GLS: variants seen among roughly 807,000 people sequenced by gnomAD.
GLS encodes glutaminase kidney isoform, mitochondrial.
GLS carries 36 observed loss-of-function variants against 86.7 expected under a neutral mutation model. The observed-to-expected ratio is 0.42, with a 90% CI of 0.32 to 0.55. The LOEUF (loss-of-function observed/expected upper bound fraction) is 0.55. Ranked by LOEUF, GLS falls within the 20% of genes least tolerant of loss-of-function variation. The pLI, the probability that GLS is intolerant of heterozygous loss-of-function variation, is 0.17. For missense variants in GLS, 528 were observed against 833.4 expected, an observed-to-expected ratio of 0.63 and a Z score of 4.51; for synonymous variants, 317 against 305.9, an observed-to-expected ratio of 1.04 and a Z score of -0.38.
chr2:190,909,216 T>C (rs939424344), intron 6 of GLS, among the ~76,000 whole-genome samples: 1 of 51,716 alleles, frequency 1.9e-5, no homozygotes, highest in African/African-American at 3.5e-5. Context: ...AATTGACAGA[T>C]AAAAATTGTG....
chr2:190,899,728 G>A lies in GLS; in HGVS notation c.606-836G>A, dbSNP rs115612618. Among the ~76,000 whole-genome samples, 868 of 152,110 alleles carry A rather than the reference G, an allele frequency of 5.7e-3. 9 individuals are homozygous for A. Among genetic ancestry groups the A allele is most frequent in the African/African-American group, 0.02 (821 of 41,514 alleles). ...ATTGGCTGTAATCCATTTGCAAAAC[G>A]TTTTAAAGGCTACGTTAATATACTG... On this transcript the variant is annotated intron_variant, in intron 3 of 17. Transcript: ENST00000320717.
chr2:190,881,814 G>A, intron 1 of GLS: 1 of 216,758 alleles, frequency 4.6e-6, no homozygotes. Context: ...GCTTGCGGCT[G>A]CAGCGCCTGG....
At chr2:190,894,841 A>G (rs1199584896) in intron 1 of GLS, among the ~76,000 whole-genome samples, 1 of 152,200 alleles carries the variant, frequency 6.6e-6, no homozygotes, top group Admixed American at 6.5e-5. Context: ...GTATTGGGTG[A>G]TTGTACTGGG....
intron 7 of GLS, among the ~76,000 whole-genome samples, chr2:190,910,775 A>G (rs1028538184): frequency 6.6e-6 from 1 of 151,860 alleles, no homozygotes; most frequent in Admixed American, 6.6e-5. Flanking sequence ...ACCCTCAAAT[A>G]TTCTCAAGTC....
chr2:190,934,069 C>T, intron 14 of GLS: 2 of 974,678 alleles, frequency 2.1e-6, no homozygotes, highest in Non-Finnish European at 2.4e-6. Flanking sequence ...CACACTTCTT[C>T]CTTCTTCCAT....
rs140849319 is a variant in GLS at position 190,887,457 on chromosome 2, A to G, written c.386+5987A>G. ...AGTAAAAGCATTACTTTCGAAACATAGAACTGTAGATGTTGCATAATGAAT... is the reference window on the plus strand; with the variant it reads ...AGTAAAAGCATTACTTTCGAAACATGGAACTGTAGATGTTGCATAATGAAT... On this transcript the variant is annotated intron_variant, in intron 1 of 17. Coordinates refer to ENST00000320717, the MANE Select transcript of GLS (RefSeq NM_014905.5). Among the ~76,000 whole-genome samples, 376 of 152,292 alleles carry G rather than the reference A, an allele frequency of 2.5e-3. 1 individual carries two copies. The highest frequency in any genetic ancestry group is 7.4e-3 in the African/African-American group (308 of 41,572).
chr2:190,887,541 G>C (rs1413280325), intron 1 of GLS, among the ~76,000 whole-genome samples: 2 of 152,014 alleles, frequency 1.3e-5, no homozygotes, highest in African/African-American at 2.4e-5. Context: ...TCTGGTACAG[G>C]CTTCTAAAAA....
At position 190,935,276 on chromosome 2, in the gene GLS, T is replaced by A; in HGVS notation, c.1650+3639T>A. On this transcript the variant is annotated intron_variant, in intron 14 of 17. Coordinates refer to ENST00000320717, the MANE Select transcript of GLS (RefSeq NM_014905.5). This position sits in a 1 kb window ranked among gnomAD's most constrained non-coding sequence, Gnocchi z 4.2. ...CTACATTTTGTATTGCACAATAAATTTATTTTAAGCTGATTTTATTGTTTT... is the reference window on the plus strand; with the variant it reads ...CTACATTTTGTATTGCACAATAAATATATTTTAAGCTGATTTTATTGTTTT... 1.7e-6 allele frequency: 1 copy of A among 582,122 alleles called. No individual in the cohort carries two copies. Among genetic ancestry groups the A allele is most frequent in the Non-Finnish European group, 2.2e-6 (1 of 461,778 alleles). The allele number at this position is 582,122 out of a possible 1,614,324, so 36.1% of individuals were successfully genotyped here. A position where few individuals can be genotyped will look rare whatever the true frequency, so the allele number is the denominator to read the frequency against.
rs1211356411 is a variant in GLS, at chr2:190,943,609, A to G, written c.1651-9956A>G. Among the ~76,000 whole-genome samples, 1 of 152,160 alleles carries G rather than the reference A, an allele frequency of 6.6e-6. No homozygotes were observed. The highest frequency in any genetic ancestry group is 2.4e-5 in the African/African-American group (1 of 41,448). On this transcript the variant is annotated intron_variant, in intron 14 of 17. Transcript: ENST00000320717. This position sits in a 1 kb window ranked among gnomAD's most constrained non-coding sequence, Gnocchi z 4.5. ...GATGTCCTTTCTAAATTTTTTTTAG[A>G]TAGAACAATTGCTTTATTTTTTAGT...
intron 5 of GLS, 52 bp downstream of exon 5, chr2:190,902,078 T>G: frequency 1.0e-6 from 1 of 1,001,818 alleles, no homozygotes. Flanking sequence ...AACTTTTGTA[T>G]AATGGTGAGA....
chr2:190,905,342 A>G lies in GLS; in HGVS notation c.979+175A>G, dbSNP rs1689095722. On this transcript the variant is annotated intron_variant, in intron 6 of 17. Transcript: ENST00000320717. The surrounding 1 kb of genome is among the most constrained non-coding windows in gnomAD (Gnocchi z 4.6). ...TAAAAATGATTATTTTAGGCATCTC[A>G]TACCACTGGGAAGTGGGCTAGGGAG... 3.7e-6 allele frequency: 2 copies of G among 538,840 alleles called. No homozygotes were observed. Among genetic ancestry groups the G allele is most frequent in the South Asian group, 2.3e-5 (1 of 42,992 alleles). 33.4% of individuals were successfully genotyped at this position (538,840 alleles called of 1,614,324 possible).
At chr2:190,889,649 A>T (rs1207588918) in intron 1 of GLS, among the ~76,000 whole-genome samples, 1 of 152,152 alleles carries the variant, frequency 6.6e-6, no homozygotes, top group African/African-American at 2.4e-5. Context: ...ACAGAGTTGG[A>T]TGTTATAGAC....
Position 190,921,147 on chromosome 2 carries a change from C to A in GLS, c.1074C>A (p.Val358=). Residue 358 remains valine, a splice_region_variant and synonymous_variant, in exon 9 of 18, where the codon GTC becomes GTA. Coordinates refer to ENST00000320717, the MANE Select transcript of GLS (RefSeq NM_014905.5). This position sits in a 1 kb window ranked among gnomAD's most constrained non-coding sequence, Gnocchi z 4.2. Reference sequence around the variant, plus strand: ...TATTCCCTACTTTTGGTTTCTAGGTCATGCAGTTTTTGAATAAGATGGCTG... The same window carrying A: ...TATTCCCTACTTTTGGTTTCTAGGTAATGCAGTTTTTGAATAAGATGGCTG... ...GVNNAEKFDY[V]MQFLNKMAGN... is the part of the protein sequence containing the mutation. 1 of 1,606,378 alleles carries A rather than the reference C, an allele frequency of 6.2e-7. No individual in the cohort carries two copies. The highest frequency in any genetic ancestry group is 1.1e-5 in the South Asian group (1 of 90,864).
intron 14 of GLS, among the ~76,000 whole-genome samples, chr2:190,944,401 C>T (rs773364961): frequency 6.6e-6 from 1 of 152,036 alleles, no homozygotes; most frequent in Admixed American, 6.6e-5. Context: ...TTTACAAAAA[C>T]TTGTTTGTAT....
chr2:190,882,288 TC>T (rs2125969494), intron 1 of GLS, among the ~76,000 whole-genome samples: 1 of 152,324 alleles, frequency 6.6e-6, no homozygotes, highest in South Asian at 2.1e-4. Flanking sequence ...TTTTGTGACT[TC>T]ATTGTGATAG....
At position 190,924,754 on chromosome 2, in the gene GLS, A is replaced by T; in HGVS notation, c.1248+161A>T. ...ACATGGTGAAACCCCATCTCTACTA[A>T]AAATACAAAAATTATTCGGGTGTGG... is the stretch of plus-strand genomic sequence containing the variant. On this transcript the variant is annotated intron_variant, in intron 11 of 17. Coordinates refer to ENST00000320717, the MANE Select transcript of GLS (RefSeq NM_014905.5). This position sits in a 1 kb window ranked among gnomAD's most constrained non-coding sequence, Gnocchi z 5.2. 1 of 536,532 alleles carries T rather than the reference A, an allele frequency of 1.9e-6. No homozygotes were observed. Among genetic ancestry groups the T allele is most frequent in the Non-Finnish European group, 3.4e-6 (1 of 296,866 alleles). 33.2% of individuals were successfully genotyped at this position (536,532 alleles called of 1,614,324 possible).
At chr2:190,925,602 G>T (rs1689872346) in intron 11 of GLS, among the ~76,000 whole-genome samples, 2 of 152,182 alleles carry the variant, frequency 1.3e-5, no homozygotes, top group South Asian at 4.1e-4. Context: ...TTAATTTCTA[G>T]TTCACCTTAC....
At chr2:190,890,162 T>A (rs894053113) in intron 1 of GLS, among the ~76,000 whole-genome samples, 6 of 152,134 alleles carry the variant, frequency 3.9e-5, no homozygotes, top group African/African-American at 7.2e-5. Flanking sequence ...AAATTTTTTT[T>A]AAATTTAAAA....
At position 190,954,520 on chromosome 2, in the gene GLS, A is replaced by T; in HGVS notation, c.1713-64A>T. On this transcript the variant is annotated intron_variant, in intron 15 of 17. Coordinates refer to ENST00000320717, the MANE Select transcript of GLS (RefSeq NM_014905.5). The surrounding 1 kb of genome is among the most constrained non-coding windows in gnomAD (Gnocchi z 4.0). ...GGCCTTAAATGAACTGATGGAGTGA[A>T]TGTTACCAGTGTGAATTAAATTTGC... 1 of 1,042,290 alleles carries T rather than the reference A, an allele frequency of 9.6e-7. No individual in the cohort carries two copies. The allele number at this position is 1,042,290 out of a possible 1,614,324, so 64.6% of individuals were successfully genotyped here. A position where few individuals can be genotyped will look rare whatever the true frequency, so the allele number is the denominator to read the frequency against.
Sources: gnomAD v4.1 joint callset for allele counts (sites outside exome capture counted in the v4.1 genomes callset) on GRCh38, gnomAD v4.1.1 for gene constraint, Gnocchi (gnomAD v3.1) non-coding constraint, MANE v1.5 for transcripts, NCBI Gene and HGNC (gene_info 2026-07-23, HGNC 2026-07-21) for gene names.